Variants in PPP3R1 observed in about 807,000 individuals in gnomAD.
The protein encoded by PPP3R1 is protein phosphatase 3 regulatory subunit B, alpha, also known as calcineurin subunit B type 1.
A neutral mutation model predicts 22.6 loss-of-function variants in PPP3R1; 5 were observed. The ratio of observed to expected loss-of-function variants is 0.22; its 90% CI spans 0.12 to 0.46. The LOEUF (loss-of-function observed/expected upper bound fraction) is 0.46, where lower values mean the gene tolerates loss of function less well. PPP3R1 is among the 20% of genes least tolerant of loss of function. The pLI is 0.99. For missense variants in PPP3R1, 61 were observed against 203.2 expected, an observed-to-expected ratio of 0.30 and a Z score of 4.25; for synonymous variants, 56 against 65.2, an observed-to-expected ratio of 0.86 and a Z score of 0.68.
At chr2:68,230,593 G>A (rs563958907) in intron 1 of PPP3R1, among the ~76,000 whole-genome samples, 22 of 127,578 alleles carry the variant, frequency 1.7e-4, no homozygotes, top group Non-Finnish European at 3.5e-4. Flanking sequence ...GTATTTACCC[G>A]TACTTTTACA....
At chr2:68,237,109 TATTGTTACTTGTA>T (rs61397280) in intron 1 of PPP3R1, among the ~76,000 whole-genome samples, 3,213 of 151,694 alleles carry the variant, frequency 0.021, 126 homozygotes, top group African/African-American at 0.075. Context: ...TTTAGTTAGG[TATTGTTACTTGTA>T]GCCAAAAATA....
At chr2:68,251,743 G>A (rs1381289490) in intron 1 of PPP3R1, among the ~76,000 whole-genome samples, 2 of 152,050 alleles carry the variant, frequency 1.3e-5, no homozygotes, top group Non-Finnish European at 2.9e-5. Flanking sequence ...GAGTGAGTGT[G>A]GAGGGGAGGG....
intron 2 of PPP3R1, among the ~76,000 whole-genome samples, chr2:68,211,821 G>T (rs1345421987): frequency 6.6e-6 from 1 of 152,090 alleles, no homozygotes; most frequent in Non-Finnish European, 1.5e-5. Flanking sequence ...CCCATAAAAA[G>T]CAACTCCTTA....
chr2:68,196,580 C>T (rs576680165), intron 2 of PPP3R1, among the ~76,000 whole-genome samples: 12 of 152,188 alleles, frequency 7.9e-5, no homozygotes, highest in African/African-American at 2.6e-4. Flanking sequence ...GGTCTACATT[C>T]GAGAAATATA....
chr2:68,243,852 T>C (rs1181571937), intron 1 of PPP3R1, among the ~76,000 whole-genome samples: 1 of 151,874 alleles, frequency 6.6e-6, no homozygotes, highest in Admixed American at 6.6e-5. Flanking sequence ...TTACGATCAA[T>C]CTTTTTAATA....
chr2:68,215,292 A>G (rs1216460983), intron 2 of PPP3R1, among the ~76,000 whole-genome samples: 8 of 152,162 alleles, frequency 5.3e-5, no homozygotes, highest in African/African-American at 1.9e-4. Context: ...AAAAGTTTAA[A>G]AAAAAACATG....
chr2:68,245,609 CTT>C (rs1241710618), intron 1 of PPP3R1, among the ~76,000 whole-genome samples: 3 of 152,198 alleles, frequency 2.0e-5, no homozygotes, highest in Non-Finnish European at 4.4e-5. Flanking sequence ...GTTTCTAACT[CTT>C]TTCAACTCTA....
At chr2:68,204,286 A>G (rs1675057106) in intron 2 of PPP3R1, among the ~76,000 whole-genome samples, 1 of 151,684 alleles carries the variant, frequency 6.6e-6, no homozygotes, top group South Asian at 2.1e-4. Context: ...AAATTCAATA[A>G]AAATCCAACA....
intron 1 of PPP3R1, among the ~76,000 whole-genome samples, chr2:68,235,583 C>T (rs570243713): frequency 6.6e-6 from 1 of 152,050 alleles, no homozygotes; most frequent in Non-Finnish European, 1.5e-5. Flanking sequence ...ATGAACATAC[C>T]ATATTTATCG....
chr2:68,228,227 C>T (rs1000904109), intron 1 of PPP3R1, among the ~76,000 whole-genome samples: 1 of 152,006 alleles, frequency 6.6e-6, no homozygotes, highest in Non-Finnish European at 1.5e-5. Flanking sequence ...AGCCTTGCAC[C>T]CATAAAACCA....
At chr2:68,225,649 T>A (rs1669766902) in intron 1 of PPP3R1, among the ~76,000 whole-genome samples, 1 of 152,228 alleles carries the variant, frequency 6.6e-6, no homozygotes, top group Admixed American at 6.5e-5. Flanking sequence ...CTACTATGTT[T>A]ATGGGAATTT....
chr2:68,189,979 GA>G (rs1324927886), intron 2 of PPP3R1, among the ~76,000 whole-genome samples: 1 of 151,866 alleles, frequency 6.6e-6, no homozygotes, highest in African/African-American at 2.4e-5. Context: ...CACAACACTA[GA>G]AAAGAGTACA....
chr2:68,226,959 C>T (rs1669795489), intron 1 of PPP3R1, among the ~76,000 whole-genome samples: 1 of 151,970 alleles, frequency 6.6e-6, no homozygotes, highest in South Asian at 2.1e-4. Context: ...GCAAACAGTA[C>T]TCTAATACTG....
chr2:68,217,140 A>G lies in PPP3R1; in HGVS notation c.4-9T>C, dbSNP rs765283826. 23 of 1,577,418 alleles carry G rather than the reference A, an allele frequency of 1.5e-5. No individual in the cohort carries two copies. Among genetic ancestry groups the G allele is most frequent in the Middle Eastern group, 1.7e-4 (1 of 6,016 alleles). On this transcript the variant is annotated splice_polypyrimidine_tract_variant and intron_variant, in intron 1 of 5. Transcript: ENST00000234310. ...TAACTTGCCTCATTTCCCTGGGGGGAAAGAAAGAAATAATTAGTCATAAAA... is the reference window on the plus strand; with the variant it reads ...TAACTTGCCTCATTTCCCTGGGGGGGAAGAAAGAAATAATTAGTCATAAAA...
At chr2:68,243,537 C>T (rs1447101979) in intron 1 of PPP3R1, among the ~76,000 whole-genome samples, 1 of 152,046 alleles carries the variant, frequency 6.6e-6, no homozygotes. Context: ...GCTATTTTCT[C>T]TTTTAATAAT....
chr2:68,221,858 A>G (rs774068581), intron 1 of PPP3R1, among the ~76,000 whole-genome samples: 51 of 152,184 alleles, frequency 3.4e-4, no homozygotes, highest in Admixed American at 1.0e-3. Context: ...AAAAAAAACT[A>G]TCAGTTTTTA....
chr2:68,198,218 A>G (rs1049456143), intron 2 of PPP3R1, among the ~76,000 whole-genome samples: 8 of 132,312 alleles, frequency 6.0e-5, no homozygotes, highest in Non-Finnish European at 9.7e-5. Context: ...ATACATATAT[A>G]CATTTTACAT....
rs569271398 is a variant in PPP3R1 at position 68,187,717 on chromosome 2, G to A, written c.221-403C>T. ...TTCAAAATTGTGAATCAAATATGCT[G>A]TTAGAAGTTTCATGACAAATGATCA... On this transcript the variant is annotated intron_variant, in intron 3 of 5. Transcript: ENST00000234310. 1.2e-4 allele frequency among the ~76,000 whole-genome samples: 19 copies of A among 152,270 alleles called. 1 individual carries two copies. The highest frequency in any genetic ancestry group is 4.1e-4 in the African/African-American group (17 of 41,552).
At chr2:68,211,005 T>G (rs1452184960) in intron 2 of PPP3R1, among the ~76,000 whole-genome samples, 1 of 151,360 alleles carries the variant, frequency 6.6e-6, no homozygotes, top group Non-Finnish European at 1.5e-5. Flanking sequence ...CTACATGAAT[T>G]TTTTTGTTTT....
Sources: allele counts gnomAD v4.1 joint callset (sites outside exome capture counted in the v4.1 genomes callset), GRCh38; gene constraint gnomAD v4.1.1; transcripts MANE v1.5; gene names NCBI Gene and HGNC (gene_info 2026-07-23, HGNC 2026-07-21).